COBL: variants seen among roughly 807,000 people sequenced by gnomAD.
COBL encodes protein cordon-bleu.
Under a neutral mutation model 98.8 loss-of-function variants are expected in COBL, and 51 were observed. The observed-to-expected ratio is 0.52, with a 90% confidence interval of 0.41 to 0.65. COBL has a LOEUF of 0.65. Among genes scored for constraint, COBL ranks in the 30% least tolerant of loss-of-function variants. The pLI is 0.00. For missense variants in COBL, 1,617 were observed against 1,617.5 expected (o/e 1.00, Z 0.01); for synonymous variants, 634 against 651.7 (o/e 0.97, Z 0.41).
At chr7:51,200,058 G>C (rs1317509248) in intron 2 of COBL, among the ~76,000 whole-genome samples, 1 of 152,150 alleles carries the variant, frequency 6.6e-6, no homozygotes, top group Non-Finnish European at 1.5e-5. Context: ...CACACACAAG[G>C]GAAACATTGT....
intron 5 of COBL, among the ~76,000 whole-genome samples, chr7:51,137,082 AG>A (rs140858760): frequency 0.088 from 13,361 of 152,250 alleles, 660 homozygotes; most frequent in Admixed American, 0.15. Context: ...CAGCAGAACC[AG>A]CACTCTAACT....
At chr7:51,248,598 T>C (rs1322741548) in intron 1 of COBL, among the ~76,000 whole-genome samples, 1 of 152,202 alleles carries the variant, frequency 6.6e-6, no homozygotes, top group African/African-American at 2.4e-5. Flanking sequence ...ATTTTACAAA[T>C]AGGACACAAA....
intron 2 of COBL, among the ~76,000 whole-genome samples, chr7:51,194,157 T>C (rs1314426586): frequency 6.6e-6 from 1 of 152,202 alleles, no homozygotes; most frequent in Non-Finnish European, 1.5e-5. Flanking sequence ...CCTCTATGTG[T>C]CCATGTGTTG....
At chr7:51,051,202 TTC>T (rs990035239) in intron 7 of COBL, among the ~76,000 whole-genome samples, 72 of 152,306 alleles carry the variant, frequency 4.7e-4, no homozygotes, top group East Asian at 2.9e-3. Flanking sequence ...TCTTCTCCGC[TTC>T]TCTGTTTTCT....
intron 1 of COBL, among the ~76,000 whole-genome samples, chr7:51,284,294 C>T (rs976838738): frequency 5.3e-5 from 8 of 151,438 alleles, no homozygotes; most frequent in Non-Finnish European, 1.0e-4. Flanking sequence ...GAGCAAGACT[C>T]CGTCTCAAAA....
At chr7:51,025,434 A>T (rs2128867538) in intron 11 of COBL, 62 bp from the exon 12 acceptor site, 2 of 1,561,460 alleles carry the variant, frequency 1.3e-6, no homozygotes, top group Non-Finnish European at 1.8e-6. Flanking sequence ...TCAGCTGTGA[A>T]ATCCCAACGC....
At chr7:51,063,263 T>C (rs780550520) in intron 7 of COBL, among the ~76,000 whole-genome samples, 12 of 151,520 alleles carry the variant, frequency 7.9e-5, no homozygotes, top group Non-Finnish European at 1.8e-4. Context: ...GCCTCCTGAG[T>C]AGCTGGGATT....
intron 6 of COBL, among the ~76,000 whole-genome samples, chr7:51,087,860 G>A (rs1368017467): frequency 6.6e-6 from 1 of 150,538 alleles, no homozygotes; most frequent in Non-Finnish European, 1.5e-5. Flanking sequence ...ATGCGTATGA[G>A]GAAGATTTTT....
At chr7:51,022,358 G>C (rs1235594994) in intron 12 of COBL, among the ~76,000 whole-genome samples, 1 of 152,204 alleles carries the variant, frequency 6.6e-6, no homozygotes, top group Non-Finnish European at 1.5e-5. Context: ...GCTGACAGAT[G>C]GCTGAGACTG....
At chr7:51,049,687 T>C (rs998752775) in intron 7 of COBL, among the ~76,000 whole-genome samples, 1 of 152,078 alleles carries the variant, frequency 6.6e-6, no homozygotes, top group African/African-American at 2.4e-5. Flanking sequence ...TTTTGGCAGG[T>C]AGAGGACAGT....
chr7:51,292,833 G>A (rs1801036821), intron 1 of COBL, among the ~76,000 whole-genome samples: 1 of 152,232 alleles, frequency 6.6e-6, no homozygotes, highest in South Asian at 2.1e-4. Flanking sequence ...GAGGAGCAGG[G>A]CCCTCTAGGG....
Position 51,025,279 on chromosome 7 carries a change from G to A in COBL, c.3598C>T (p.Leu1200Phe), listed in dbSNP as rs201787564. 77 of 1,611,102 alleles carry A rather than the reference G, an allele frequency of 4.8e-5. No homozygotes were observed. The Middle Eastern group carries it at 8.2e-4, about 17-fold the overall frequency. ...SESPLLEDLG[L>F]LSPPAIPPPP... ...GGGGGAATGGCTGGTGGGGACAGAAGACCAAGGTCTTCTAGCAGAGGACTT... is the reference window on the plus strand; with the variant it reads ...GGGGGAATGGCTGGTGGGGACAGAAAACCAAGGTCTTCTAGCAGAGGACTT... The change falls in exon 12 of 13, where the codon CTT becomes TTT. Residue 1200 changes from leucine to phenylalanine, a missense_variant. Leu to Phe is a conservative substitution (Grantham distance 22). Transcript: ENST00000265136.
chr7:51,148,690 T>C (rs1785263697), intron 5 of COBL, among the ~76,000 whole-genome samples: 1 of 152,198 alleles, frequency 6.6e-6, no homozygotes, highest in Admixed American at 6.5e-5. Context: ...TCCATGACCA[T>C]GGCTCTTGGC....
rs1794095260 is a variant in COBL, at chr7:51,085,204, C to CGGT, written c.1055_1057dup (p.Asn352_Arg353insHis). On this transcript the variant is annotated inframe_insertion, in exon 7 of 13. Transcript: ENST00000265136. ...CCTGTTCTCCTCCTTATCCTCAGTGCGGTTGGGGATCAGGGGACTCGGTGG... is the reference window on the plus strand; with the variant it reads ...CCTGTTCTCCTCCTTATCCTCAGTGCGGTGGTTGGGGATCAGGGGACTCGGTGG... 2.5e-6 allele frequency: 4 copies of CGGT among 1,613,806 alleles called. No homozygotes were observed.
intron 5 of COBL, among the ~76,000 whole-genome samples, chr7:51,155,118 A>G (rs1785985792): frequency 6.6e-6 from 1 of 152,248 alleles, no homozygotes; most frequent in African/African-American, 2.4e-5. Context: ...AAATTCAGCT[A>G]TAAATGGTTG....
chr7:51,295,775 T>G (rs921920077), intron 1 of COBL, among the ~76,000 whole-genome samples: 2 of 152,158 alleles, frequency 1.3e-5, no homozygotes, highest in Non-Finnish European at 2.9e-5. Flanking sequence ...TTGTTAACCT[T>G]TCCGAAAAAT....
At chr7:51,037,635 T>C (rs763513820) in intron 8 of COBL, among the ~76,000 whole-genome samples, 1 of 152,168 alleles carries the variant, frequency 6.6e-6, no homozygotes, top group Non-Finnish European at 1.5e-5. Flanking sequence ...CACATTTCTA[T>C]TATTCCTGTT....
At position 51,301,029 on chromosome 7, in the gene COBL, G is replaced by A. The variant is rs188041819; in HGVS notation, c.41+15564C>T. ...ACCATGTTGCTATCTTGTGTCCCAC[G>A]TGCCTCACTGTTAAAATGGGAAGAG... On this transcript the variant is annotated intron_variant, in intron 1 of 12. Coordinates refer to ENST00000265136, the MANE Select transcript of COBL (RefSeq NM_015198.5). 8.5e-5 allele frequency among the ~76,000 whole-genome samples: 13 copies of A among 152,250 alleles called. No individual in the cohort carries two copies. In the East Asian group the frequency reaches 2.1e-3, roughly 25 times the overall value.
chr7:51,089,560 T>C (rs951696356), intron 6 of COBL, among the ~76,000 whole-genome samples: 8 of 152,194 alleles, frequency 5.3e-5, no homozygotes, highest in African/African-American at 1.9e-4. Flanking sequence ...AAGTGTCTAC[T>C]GAAAACTGTC....
Sources: allele counts gnomAD v4.1 joint callset (sites outside exome capture counted in the v4.1 genomes callset), GRCh38; gene constraint gnomAD v4.1.1; transcripts MANE v1.5; gene names NCBI Gene and HGNC (gene_info 2026-07-23, HGNC 2026-07-21).